The following ETV3L variants were observed in gnomAD, a reference collection of about 807,000 sequenced individuals.
The protein encoded by ETV3L is ETS variant transcription factor 3 like.
ETV3L carries 30 observed loss-of-function variants against 27.6 expected under a neutral mutation model. The ratio of observed to expected loss-of-function variants is 1.09; its 90% CI spans 0.81 to 1.48. ETV3L has a LOEUF of 1.48. ETV3L is among the 40% of genes most tolerant of loss of function. The probability of loss-of-function intolerance (pLI) is 0.00; values close to 1 mark genes in which losing one functional copy is unlikely to be tolerated. For synonymous variants in ETV3L, 186 were observed against 188.9 expected (o/e 0.98, Z 0.12); for missense variants, 443 against 455.6 (o/e 0.97, Z 0.25).
chr1:157,099,054 G>A (rs1674287139), intron 2 of ETV3L, 87 bp downstream of exon 2: 3 of 1,557,474 alleles, frequency 1.9e-6, no homozygotes, highest in Admixed American at 3.4e-5. Context: ...AAGCCTTGGA[G>A]GGGTGGGAGT....
intron 4 of ETV3L, among the ~76,000 whole-genome samples, chr1:157,095,290 G>A (rs1373723278): frequency 6.6e-6 from 1 of 152,150 alleles, no homozygotes; most frequent in African/African-American, 2.4e-5. Flanking sequence ...TGGCACTCCC[G>A]GAAGCAGCTT....
Position 157,099,706 on chromosome 1 carries a change from A to T in ETV3L, c.-183T>A. 1 of 633,924 alleles carries T rather than the reference A, an allele frequency of 1.6e-6. No individual in the cohort carries two copies. Among genetic ancestry groups the T allele is most frequent in the South Asian group, 2.0e-5 (1 of 50,794 alleles). 39.3% of individuals were successfully genotyped at this position (633,924 alleles called of 1,614,324 possible). ...AAAAGGGAAGGGACAAGAGGTTGCC[A>T]GTGAAGGGGAGAAAAGGGAACCAGA... On this transcript the variant is annotated 5_prime_UTR_variant, in exon 1 of 5. Coordinates refer to ENST00000454449, the MANE Select transcript of ETV3L (RefSeq NM_001004341.2).
chr1:157,099,653 A>C lies in ETV3L; in HGVS notation c.-130T>G. 1.3e-6 allele frequency: 1 copy of C among 757,220 alleles called. No homozygotes were observed. The highest frequency in any genetic ancestry group is 2.2e-6 in the Non-Finnish European group (1 of 452,930). 46.9% of individuals were successfully genotyped at this position (757,220 alleles called of 1,614,324 possible). Reference sequence around the variant, plus strand: ...GAAAAATGGAGGGAAAGAAGGAAGGAAGGGAGAGGGTCAGGAAAGAAAGAG... The same window carrying C: ...GAAAAATGGAGGGAAAGAAGGAAGGCAGGGAGAGGGTCAGGAAAGAAAGAG... On this transcript the variant is annotated 5_prime_UTR_variant, in exon 1 of 5. Coordinates refer to ENST00000454449, the MANE Select transcript of ETV3L (RefSeq NM_001004341.2).
chr1:157,096,488 G>C (rs1674221935), intron 4 of ETV3L, among the ~76,000 whole-genome samples: 2 of 152,124 alleles, frequency 1.3e-5, no homozygotes, highest in African/African-American at 4.8e-5. Context: ...CTCTCCAGCT[G>C]AGCCTCCTTC....
Position 157,097,967 on chromosome 1 carries a change from C to A in ETV3L, c.508G>T (p.Ala170Ser). The A allele has an allele frequency of 6.2e-7, 1 of 1,611,948 alleles. No individual in the cohort carries two copies. The highest frequency in any genetic ancestry group is 8.5e-7 in the Non-Finnish European group (1 of 1,179,022). The change falls in exon 4 of 5, where the codon GCC becomes TCC. Residue 170 changes from alanine (A) to serine (S), a missense_variant. By Grantham distance (99) the Ala-to-Ser change is moderately conservative. Coordinates refer to ENST00000454449, the MANE Select transcript of ETV3L (RefSeq NM_001004341.2). ...AGCTGCTCCACCATGGCCTGATGGGCAAATAGCATGCTGTGCAGGAGCTGA... is the reference window on the plus strand; with the variant it reads ...AGCTGCTCCACCATGGCCTGATGGGAAAATAGCATGCTGTGCAGGAGCTGA... ...QSELLHSMLF[A>S]HQAMVEQLTG...
chr1:157,099,568 G>A lies in ETV3L; in HGVS notation c.-45C>T. 6.4e-7 allele frequency: 1 copy of A among 1,552,960 alleles called. No individual in the cohort carries two copies. On this transcript the variant is annotated 5_prime_UTR_variant, in exon 1 of 5. Transcript: ENST00000454449. Reference sequence around the variant, plus strand: ...GGCTGTGTCTGGGCCTTGGGGAAATGGTCACCACTTAAGAGGAAGGGAAGG... The same window carrying A: ...GGCTGTGTCTGGGCCTTGGGGAAATAGTCACCACTTAAGAGGAAGGGAAGG...
chr1:157,094,084 G>C (rs1158373059), intron 4 of ETV3L, among the ~76,000 whole-genome samples: 1 of 152,188 alleles, frequency 6.6e-6, no homozygotes, highest in South Asian at 2.1e-4. Flanking sequence ...AATAAGGGAA[G>C]GATATTCTCT....
chr1:157,095,658 A>G (rs1408995319), intron 4 of ETV3L, among the ~76,000 whole-genome samples: 1 of 143,902 alleles, frequency 6.9e-6, no homozygotes, highest in Non-Finnish European at 1.5e-5. Context: ...CAGAGCTGGG[A>G]CGGGGTGGGT....
rs148028064 is a variant in ETV3L at position 157,097,725 on chromosome 1, G to C, written c.607+143C>G. 365 of 1,039,834 alleles carry C rather than the reference G, an allele frequency of 3.5e-4. 2 individuals are homozygous for C. The East Asian group carries it at 8.1e-3, about 23-fold the overall frequency. 64.4% of individuals were successfully genotyped at this position (1,039,834 alleles called of 1,614,324 possible). On this transcript the variant is annotated intron_variant, in intron 4 of 4. Coordinates refer to ENST00000454449, the MANE Select transcript of ETV3L (RefSeq NM_001004341.2). ...AACCCCCGCACTTAGTAAATAGCTG[G>C]TGTTCAATAAATGTTGGTCGAATGA...
In ETV3L at chr1:157,092,413, C is replaced by G. The variant is rs1405367993; in HGVS notation, c.*236G>C. On this transcript the variant is annotated 3_prime_UTR_variant, in exon 5 of 5. Coordinates refer to ENST00000454449, the MANE Select transcript of ETV3L (RefSeq NM_001004341.2). Reference sequence around the variant, plus strand: ...AAGAAAAGTTGAGATTAGGAATGTCCCCTTAGTCTGCTTAGCAATATGGTG... The same window carrying G: ...AAGAAAAGTTGAGATTAGGAATGTCGCCTTAGTCTGCTTAGCAATATGGTG... 1 of 514,978 alleles carries G rather than the reference C, an allele frequency of 1.9e-6. No individual in the cohort carries two copies. The highest frequency in any genetic ancestry group is 3.4e-6 in the Non-Finnish European group (1 of 293,022). The allele number at this position is 514,978 out of a possible 1,614,324, so 31.9% of individuals were successfully genotyped here.
Position 157,099,607 on chromosome 1 carries a change from G to C in ETV3L, c.-84C>G. On this transcript the variant is annotated 5_prime_UTR_variant, in exon 1 of 5. Transcript: ENST00000454449. ...AGGAAGGGAAGGAAGGAGGCAGAGG[G>C]GAGGACAGTGAAAGAGGAAGGAAAA... is the stretch of plus-strand genomic sequence containing the variant. The C allele has an allele frequency of 8.6e-7, 1 of 1,164,570 alleles. No homozygotes were observed. Among genetic ancestry groups the C allele is most frequent in the Non-Finnish European group, 1.3e-6 (1 of 798,788 alleles). The allele number at this position is 1,164,570 out of a possible 1,614,324, so 72.1% of individuals were successfully genotyped here.
chr1:157,099,381 G>A lies in ETV3L; in HGVS notation c.59-3C>T, dbSNP rs1198600566. On this transcript the variant is annotated splice_region_variant and splice_polypyrimidine_tract_variant and intron_variant, in intron 1 of 4. Coordinates refer to ENST00000454449, the MANE Select transcript of ETV3L (RefSeq NM_001004341.2). Reference sequence around the variant, plus strand: ...GGCCCAATCAGGGAAGGCCAACCCTGGGTGGAGAGGGGAGAGTGAGGGCTC... The same window carrying A: ...GGCCCAATCAGGGAAGGCCAACCCTAGGTGGAGAGGGGAGAGTGAGGGCTC... 1 of 1,614,134 alleles carries A rather than the reference G, an allele frequency of 6.2e-7. No homozygotes were observed. Among genetic ancestry groups the A allele is most frequent in the Non-Finnish European group, 8.5e-7 (1 of 1,179,998 alleles).
rs139879248 is a variant in ETV3L, at chr1:157,098,006, G to A, written c.487-18C>T. ...TGCAGGAGCTGAGGGGTGAGAAGTA[G>A]GTGCGAGGTGTGATGGGCTCTCCTT... On this transcript the variant is annotated intron_variant, in intron 3 of 4. Transcript: ENST00000454449. 643 of 1,585,288 alleles carry A rather than the reference G, an allele frequency of 4.1e-4. 5 individuals are homozygous for A. In the African/African-American group the frequency reaches 7.3e-3, roughly 18 times the overall value.
Position 157,092,656 on chromosome 1 carries a change from GGATCCA to G in ETV3L, c.1073_1078del (p.Leu358_Pro360delinsSer). The G allele has an allele frequency of 1.2e-6, 2 of 1,602,930 alleles. No homozygotes were observed. Among genetic ancestry groups the G allele is most frequent in the Non-Finnish European group, 1.7e-6 (2 of 1,174,680 alleles). ...TCCCACCTTCCTCTCTAGTTAAGGA[GGATCCA>G]AGGGCCACACTGCTTTGAGGTTCTC... On this transcript the variant is annotated inframe_deletion, in exon 5 of 5. Coordinates refer to ENST00000454449, the MANE Select transcript of ETV3L (RefSeq NM_001004341.2).
At chr1:157,096,648 C>T (rs1168636013) in intron 4 of ETV3L, among the ~76,000 whole-genome samples, 13 of 152,216 alleles carry the variant, frequency 8.5e-5, no homozygotes, top group South Asian at 2.1e-4. Flanking sequence ...TGGCAGGGCG[C>T]GGTGGCTCAC....
At chr1:157,095,267 G>A (rs1158938761) in intron 4 of ETV3L, among the ~76,000 whole-genome samples, 6 of 152,140 alleles carry the variant, frequency 3.9e-5, no homozygotes, top group Non-Finnish European at 5.9e-5. Flanking sequence ...CCCTGCCTCC[G>A]GCTCAATAGA....
chr1:157,093,342 T>G (rs1377245407), intron 4 of ETV3L, among the ~76,000 whole-genome samples: 1 of 152,120 alleles, frequency 6.6e-6, no homozygotes, highest in East Asian at 1.9e-4. Context: ...GTTCAAACGA[T>G]CCTCCCACCT....
intron 4 of ETV3L, 22 bp downstream of exon 4, chr1:157,097,846 C>T (rs911840961): frequency 6.2e-6 from 10 of 1,611,880 alleles, no homozygotes; most frequent in Non-Finnish European, 8.5e-6. Context: ...CCCCCTGGGC[C>T]CTCCCAGCCT....
At position 157,092,763 on chromosome 1, in the gene ETV3L, C is replaced by G. The variant is rs756646273; in HGVS notation, c.972G>C (p.Leu324=). ...PAPMMEAKGG[L]DPREVFCPET... ...CTGGGCAGAAGACCTCCCTGGGATC[C>G]AGGCCTCCCTTTGCCTCCATCATGG... Residue 324 remains leucine (L), a synonymous_variant, in exon 5 of 5, where the codon CTG becomes CTC. Transcript: ENST00000454449. The G allele has an allele frequency of 6.2e-7, 1 of 1,614,180 alleles. No individual in the cohort carries two copies. The highest frequency in any genetic ancestry group is 1.3e-5 in the African/African-American group (1 of 75,046).
Sources: gnomAD v4.1 joint callset for allele counts (sites outside exome capture counted in the v4.1 genomes callset) on GRCh38, gnomAD v4.1.1 for gene constraint, MANE v1.5 for transcripts, NCBI Gene and HGNC (gene_info 2026-07-23, HGNC 2026-07-21) for gene names.